The following RUNX3 variants were observed in gnomAD, a reference collection of about 807,000 sequenced individuals.
RUNX3 encodes runt-related transcription factor 3.
In RUNX3, 10 loss-of-function variants were observed where a neutral mutation model predicts 27.7. The observed-to-expected ratio is 0.36, with a 90% CI of 0.22 to 0.61. The LOEUF is 0.61. Among genes scored for constraint, RUNX3 ranks in the 20% least tolerant of loss-of-function variants. The probability of loss-of-function intolerance (pLI) is 0.72; values close to 1 mark genes in which losing one functional copy is unlikely to be tolerated. For synonymous variants in RUNX3, 270 were observed against 269.2 expected (o/e 1.00, Z -0.03); for missense variants, 469 against 629.5 (o/e 0.75, Z 2.73).
chr1:24,949,259 T>C (rs1323032443), intron 2 of RUNX3, among the ~76,000 whole-genome samples: 1 of 151,590 alleles, frequency 6.6e-6, no homozygotes, highest in Non-Finnish European at 1.5e-5. Context: ...AAAAAGGAGG[T>C]TAAATATCCC....
chr1:24,929,427 C>CCCGGAG lies in RUNX3; in HGVS notation c.282+154_282+159dup, dbSNP rs750159444. On this transcript the variant is annotated intron_variant, in intron 1 of 4. Coordinates refer to ENST00000308873, the MANE Select transcript of RUNX3 (RefSeq NM_004350.3). ...CGCATCCAAAACGGAACGCCGAGGT[C>CCCGGAG]CCGGAGCCGAGCGCGCAGCCAGACT... 1.5e-4 allele frequency: 118 copies of CCCGGAG among 767,586 alleles called. 2 individuals carry two copies. In the South Asian group the frequency reaches 1.7e-3, roughly 11 times the overall value. 47.5% of individuals were successfully genotyped at this position (767,586 alleles called of 1,614,324 possible).
chr1:24,960,437 C>T (rs1642077125), intron 2 of RUNX3, among the ~76,000 whole-genome samples: 1 of 152,172 alleles, frequency 6.6e-6, no homozygotes, highest in African/African-American at 2.4e-5. Context: ...CTCTAAAGCC[C>T]AAGCTGGAAT....
Position 24,927,815 on chromosome 1 carries a change from G to A in RUNX3, c.283-85C>T. 8.1e-7 allele frequency: 1 copy of A among 1,241,732 alleles called. No individual in the cohort carries two copies. The highest frequency in any genetic ancestry group is 1.2e-6 in the Non-Finnish European group (1 of 847,130). The allele number at this position is 1,241,732 out of a possible 1,614,324, so 76.9% of individuals were successfully genotyped here. ...GGAAAGGAGGGGAGGGGCTGGGCTG[G>A]GCAGCTCCCCCAGGTCCCAGGCACA... On this transcript the variant is annotated intron_variant, in intron 1 of 4. Transcript: ENST00000308873. This position sits in a 1 kb window ranked among gnomAD's most constrained non-coding sequence, Gnocchi z 5.0.
At position 24,902,308 on chromosome 1, in the gene RUNX3, G is replaced by T; in HGVS notation, c.1062C>A (p.Asp354Glu). 6.2e-7 allele frequency: 1 copy of T among 1,606,012 alleles called. No homozygotes were observed. ...SMVAGSSSGG[D>E]RSPTRMLASC... Reference sequence around the variant, plus strand: ...AGGCCAGCATGCGGGTAGGTGAGCGGTCGCCCCCACTGCTGCTGCCGGCCA... The same window carrying T: ...AGGCCAGCATGCGGGTAGGTGAGCGTTCGCCCCCACTGCTGCTGCCGGCCA... The change falls in exon 5 of 5, where the codon GAC (aspartate) becomes GAA (glutamate). Residue 354 changes from aspartate (D) to glutamate (E), a missense_variant. Asp to Glu is a conservative substitution (Grantham distance 45). This residue lies in a region of RUNX3 where 279 missense variants were observed against 343.0 expected (regional missense o/e 0.81). Transcript: ENST00000308873. This position sits in a 1 kb window ranked among gnomAD's most constrained non-coding sequence, Gnocchi z 9.2.
intron 2 of RUNX3, among the ~76,000 whole-genome samples, chr1:24,964,077 G>A (rs980413407): frequency 2.6e-5 from 4 of 152,062 alleles, no homozygotes; most frequent in African/African-American, 9.7e-5. Context: ...TGGTCTCCAG[G>A]AAGACCCCTG....
At position 24,923,083 on chromosome 1, in the gene RUNX3, C is replaced by T. The variant is rs941425072; in HGVS notation, c.440-3739G>A. On this transcript the variant is annotated intron_variant, in intron 2 of 4. Coordinates refer to ENST00000308873, the MANE Select transcript of RUNX3 (RefSeq NM_004350.3). This position sits in a 1 kb window ranked among gnomAD's most constrained non-coding sequence, Gnocchi z 5.9. ...GAGATAATGGCTCCCATTTTGCACA[C>T]AGGTACTAACGTCCCGCTCCTGAGA... Among the ~76,000 whole-genome samples the T allele has an allele frequency of 1.3e-5, 2 of 152,192 alleles. No homozygotes were observed. The highest frequency in any genetic ancestry group is 2.4e-5 in the African/African-American group (1 of 41,432).
At chr1:24,950,831 T>G (rs912233631) in intron 2 of RUNX3, among the ~76,000 whole-genome samples, 1 of 151,548 alleles carries the variant, frequency 6.6e-6, no homozygotes, top group African/African-American at 2.4e-5. Flanking sequence ...CTGTAGTAGG[T>G]GGAAGGGCCC....
chr1:24,907,652 C>A (rs1057083831), intron 3 of RUNX3, among the ~76,000 whole-genome samples: 22 of 152,142 alleles, frequency 1.4e-4, no homozygotes, highest in African/African-American at 4.6e-4. Context: ...GTGATCCAAA[C>A]CTCTACAACA....
chr1:24,901,036 G>GTTTTTTTTT lies in RUNX3; in HGVS notation c.*1077_*1085dup, dbSNP rs3085849. On this transcript the variant is annotated 3_prime_UTR_variant, in exon 5 of 5. Transcript: ENST00000308873. ...TGTTTTGTTTTTTTTTTGTTTTTTTGTTTTTTTTTTTTTTTTGCTCAGGAC... is the reference window on the plus strand; with the variant it reads ...TGTTTTGTTTTTTTTTTGTTTTTTTGTTTTTTTTTTTTTTTTTTTTTTTTTGCTCAGGAC... 1.6e-3 allele frequency: 182 copies of GTTTTTTTTT among 116,852 alleles called. No homozygotes were observed. Among genetic ancestry groups the GTTTTTTTTT allele is most frequent in the Non-Finnish European group, 2.0e-3 (111 of 56,380 alleles). 7.2% of individuals were successfully genotyped at this position (116,852 alleles called of 1,614,324 possible).
intron 2 of RUNX3, among the ~76,000 whole-genome samples, chr1:24,957,165 A>T (rs1641956669): frequency 6.6e-6 from 1 of 152,212 alleles, no homozygotes; most frequent in Non-Finnish European, 1.5e-5. Flanking sequence ...CCAGACTCGA[A>T]AGAAAACCCC....
At position 24,900,274 on chromosome 1, in the gene RUNX3, T is replaced by A. The variant is rs1640511774; in HGVS notation, c.*1848A>T. 6.6e-6 allele frequency: 1 copy of A among 152,290 alleles called. No homozygotes were observed. The highest frequency in any genetic ancestry group is 1.5e-5 in the Non-Finnish European group (1 of 68,090). The allele number at this position is 152,290 out of a possible 1,614,324, so 9.4% of individuals were successfully genotyped here. A position where few individuals can be genotyped will look rare whatever the true frequency, so the allele number is the denominator to read the frequency against. The stretch of plus-strand genomic sequence containing the variant: ...CGCAGCAGGAGGGAATGGAATAGGA[T>A]CACCAGAAGGACTGCCTAACCTGCC... On this transcript the variant is annotated 3_prime_UTR_variant, in exon 5 of 5. Transcript: ENST00000308873.
At chr1:24,922,341 G>A (rs1055520596) in intron 2 of RUNX3, among the ~76,000 whole-genome samples, 7 of 151,896 alleles carry the variant, frequency 4.6e-5, no homozygotes, top group African/African-American at 9.7e-5. Flanking sequence ...ACTTGGCTCC[G>A]TAGAGTTGAA....
At chr1:24,905,034 C>T (rs548131694) in intron 4 of RUNX3, among the ~76,000 whole-genome samples, 6 of 152,216 alleles carry the variant, frequency 3.9e-5, no homozygotes, top group Non-Finnish European at 7.4e-5. Flanking sequence ...TGGGCGGCTG[C>T]GGCTGGGGGC....
chr1:24,907,337 T>C lies in RUNX3; in HGVS notation c.625A>G (p.Thr209Ala). 6.2e-7 allele frequency: 1 copy of C among 1,613,614 alleles called. No homozygotes were observed. Among genetic ancestry groups the C allele is most frequent in the Non-Finnish European group, 8.5e-7 (1 of 1,179,996 alleles). ...GDLERLRMRV[T>A]PSTPSPRGSL... ...CCTCGGGGGCTGGGTGTGCTCGGTG[T>C]CACCCGCATGCGCAGCCGTTCCAGG... Residue 209 changes from threonine to alanine, a missense_variant, in exon 4 of 5, where the codon ACA (threonine) becomes GCA (alanine). By Grantham distance (58) the Thr-to-Ala change is moderately conservative. Coordinates refer to ENST00000308873, the MANE Select transcript of RUNX3 (RefSeq NM_004350.3).
At chr1:24,928,840 A>G in intron 1 of RUNX3, 1 of 348,988 alleles carries the variant, frequency 2.9e-6, no homozygotes, top group South Asian at 2.1e-5. Flanking sequence ...CACCACCCCC[A>G]GCCGCCGGCC....
At chr1:24,934,724 C>G (rs1641309370), upstream of RUNX3, among the ~76,000 whole-genome samples, 1 of 152,136 alleles carries the variant, frequency 6.6e-6, no homozygotes, top group African/African-American at 2.4e-5. Flanking sequence ...TGCTCTGGTT[C>G]AAAATGTGGG....
chr1:24,964,703 G>C (rs1241928830), intron 1 of RUNX3: 6 of 1,493,654 alleles, frequency 4.0e-6, no homozygotes, highest in Non-Finnish European at 5.3e-6. Flanking sequence ...GTTGCTTTTT[G>C]TTGTTTTTTG....
chr1:24,907,193 A>G, intron 4 of RUNX3, 66 bp downstream of exon 4: 1 of 1,528,186 alleles, frequency 6.5e-7, no homozygotes, highest in East Asian at 2.3e-5. Flanking sequence ...TCTGGGGCAG[A>G]TTGGACCACA....
intron 3 of RUNX3, 28 bp from the exon 4 acceptor site, chr1:24,907,445 G>C: frequency 6.3e-7 from 1 of 1,596,128 alleles, no homozygotes; most frequent in Non-Finnish European, 8.6e-7. Flanking sequence ...CCCATCAGCC[G>C]TTGCTTCCCC....
Sources: allele counts gnomAD v4.1 joint callset (sites outside exome capture counted in the v4.1 genomes callset), GRCh38; gene constraint gnomAD v4.1.1; regional missense constraint gnomAD v4.1.1; non-coding constraint Gnocchi (gnomAD v3.1); transcripts MANE v1.5; gene names NCBI Gene and HGNC (gene_info 2026-07-23, HGNC 2026-07-21).